The following PRDM1 variants were observed in gnomAD, a reference collection of about 807,000 sequenced individuals.
The protein encoded by PRDM1 is PR domain zinc finger protein 1.
A neutral mutation model predicts 62.8 loss-of-function variants in PRDM1; 13 were observed. The observed-to-expected ratio is 0.21, with a 90% CI of 0.13 to 0.33. The LOEUF (loss-of-function observed/expected upper bound fraction) is 0.33, where lower values mean the gene tolerates loss of function less well. PRDM1 is among the 10% of genes least tolerant of loss of function. PRDM1 has a pLI of 1.00. For synonymous variants in PRDM1, 396 were observed against 417.6 expected (o/e 0.95, Z 0.63); for missense variants, 895 against 1,058.8 (o/e 0.85, Z 2.15).
intron 1 of PRDM1, among the ~76,000 whole-genome samples, chr6:106,007,713 C>T (rs1288276768): frequency 3.3e-5 from 5 of 152,176 alleles, no homozygotes; most frequent in African/African-American, 9.7e-5. Flanking sequence ...TGCTGTCATT[C>T]GTCCCTTGAG....
At chr6:106,087,644 T>C (rs910615477) in intron 1 of PRDM1, 17 of 232,848 alleles carry the variant, frequency 7.3e-5, no homozygotes, top group Non-Finnish European at 1.3e-4. Flanking sequence ...GGCAGTTGTT[T>C]TGAAAGTTGT....
chr6:106,094,134 T>C (rs1562167426), intron 2 of PRDM1, among the ~76,000 whole-genome samples: 1 of 152,216 alleles, frequency 6.6e-6, no homozygotes, highest in Non-Finnish European at 1.5e-5. Context: ...CTGTGAACAA[T>C]CTGTGCATGG....
intron 1 of PRDM1, among the ~76,000 whole-genome samples, chr6:106,062,793 A>G (rs1388075466): frequency 2.0e-5 from 3 of 152,178 alleles, no homozygotes; most frequent in Non-Finnish European, 4.4e-5. Flanking sequence ...TTCAGAGAAT[A>G]GTGGTTCTCT....
intron 1 of PRDM1, among the ~76,000 whole-genome samples, chr6:106,059,177 CATTA>C (rs1352887848): frequency 2.0e-5 from 3 of 152,020 alleles, no homozygotes; most frequent in Non-Finnish European, 2.9e-5. Context: ...TAAACAAGCA[CATTA>C]ATTAATTCAA....
At chr6:106,038,516 A>G (rs1772952584) in intron 1 of PRDM1, among the ~76,000 whole-genome samples, 1 of 152,160 alleles carries the variant, frequency 6.6e-6, no homozygotes, top group African/African-American at 2.4e-5. Context: ...TGAAGAAGAA[A>G]AGGGATGCTG....
chr6:106,000,801 AT>A (rs1178047658), intron 1 of PRDM1, among the ~76,000 whole-genome samples: 1 of 152,202 alleles, frequency 6.6e-6, no homozygotes, highest in East Asian at 1.9e-4. Context: ...TAATTTATCT[AT>A]TTTATAATGT....
Position 106,105,320 on chromosome 6 carries a change from G to T in PRDM1, c.1160G>T (p.Gly387Val). Residue 387 changes from glycine (G) to valine (V), a missense_variant, in exon 5 of 7, where the codon GGC becomes GTC. Coordinates refer to ENST00000369096, the MANE Select transcript of PRDM1 (RefSeq NM_001198.4). ...GCGTCCTACGGCACGGAAGGTTTGGGCTCCTACCCTGGCTACGCACCCCTG... is the reference window on the plus strand; with the variant it reads ...GCGTCCTACGGCACGGAAGGTTTGGTCTCCTACCCTGGCTACGCACCCCTG... ...LNASYGTEGL[G>V]SYPGYAPLPH... 6.2e-7 allele frequency: 1 copy of T among 1,612,782 alleles called. No homozygotes were observed. Among genetic ancestry groups the T allele is most frequent in the Non-Finnish European group, 8.5e-7 (1 of 1,179,182 alleles).
intron 1 of PRDM1, 138 bp from the exon 2 acceptor site, chr6:106,088,063 T>C: frequency 1.6e-5 from 16 of 1,003,322 alleles, no homozygotes; most frequent in Non-Finnish European, 2.1e-5. Context: ...TACGGCTTCT[T>C]GGCTCTTTCT....
At chr6:106,095,937 AG>A (rs1343926596) in intron 3 of PRDM1, 1 of 562,946 alleles carries the variant, frequency 1.8e-6, no homozygotes, top group Admixed American at 3.1e-5. Flanking sequence ...TTAGTGATGG[AG>A]ATACGGGCTA....
rs1443735433 is a variant in PRDM1 at position 106,080,406 on chromosome 6, C to T, written c.-66-7795C>T. 2.6e-5 allele frequency among the ~76,000 whole-genome samples: 4 copies of T among 152,068 alleles called. No homozygotes were observed. In the South Asian group the frequency reaches 8.3e-4, roughly 32 times the overall value. On this transcript the variant is annotated intron_variant, in intron 1 of 6. Coordinates refer to the PRDM1 transcript ENST00000651185. ...TTTGGACTCAGCCTTCTGTTCCACGCCCCCCACCGCAGCCCCCAGCATCCT... is the reference window on the plus strand; with the variant it reads ...TTTGGACTCAGCCTTCTGTTCCACGTCCCCCACCGCAGCCCCCAGCATCCT...
intron 1 of PRDM1, among the ~76,000 whole-genome samples, chr6:106,022,744 C>G (rs1055491991): frequency 1.3e-5 from 2 of 152,010 alleles, no homozygotes; most frequent in Non-Finnish European, 2.9e-5. Flanking sequence ...TTTAAAGAGA[C>G]CAGGTCTCAC....
At chr6:106,100,840 G>A (rs931417068) in intron 4 of PRDM1, among the ~76,000 whole-genome samples, 4 of 152,204 alleles carry the variant, frequency 2.6e-5, no homozygotes, top group African/African-American at 9.6e-5. Context: ...TGAGCTTCAG[G>A]AAAAGAACTG....
intron 1 of PRDM1, among the ~76,000 whole-genome samples, chr6:106,058,559 C>A (rs1337870799): frequency 1.3e-5 from 2 of 152,230 alleles, no homozygotes; most frequent in East Asian, 1.9e-4. Flanking sequence ...TTCCCACTAG[C>A]CAGCATATTT....
intron 3 of PRDM1, chr6:106,098,077 C>A: frequency 2.5e-6 from 1 of 399,536 alleles, no homozygotes; most frequent in Non-Finnish European, 3.4e-6. Context: ...GAGCGAAATA[C>A]AGAAACTATC....
chr6:106,095,575 A>G (rs771366017), intron 2 of PRDM1, 40 bp from the exon 3 acceptor site: 2 of 1,601,456 alleles, frequency 1.2e-6, no homozygotes, highest in Non-Finnish European at 1.7e-6. Context: ...TTAACATTTT[A>G]TAGTCAAAGT....
intron 1 of PRDM1, among the ~76,000 whole-genome samples, chr6:106,031,841 A>G (rs1266730770): frequency 6.6e-6 from 1 of 152,148 alleles, no homozygotes; most frequent in Non-Finnish European, 1.5e-5. Context: ...TTTAAAGACA[A>G]GAAACAAAAA....
intron 1 of PRDM1, among the ~76,000 whole-genome samples, chr6:106,055,988 G>C (rs547426545): frequency 1.3e-5 from 2 of 152,174 alleles, no homozygotes; most frequent in African/African-American, 4.8e-5. Context: ...TGGGAGAAAG[G>C]CTCATTCTTA....
At chr6:106,089,426 T>C (rs1318925918) in intron 2 of PRDM1, among the ~76,000 whole-genome samples, 4 of 152,170 alleles carry the variant, frequency 2.6e-5, no homozygotes, top group Admixed American at 2.0e-4. Context: ...CTTACAGCCG[T>C]GTCAAATCAC....
intron 1 of PRDM1, among the ~76,000 whole-genome samples, chr6:106,037,458 TCTC>T (rs940287037): frequency 6.6e-6 from 1 of 152,134 alleles, no homozygotes; most frequent in Non-Finnish European, 1.5e-5. Context: ...TTTTCCCTCT[TCTC>T]CTTATAAGAT....
Sources: gnomAD v4.1 joint callset for allele counts (sites outside exome capture counted in the v4.1 genomes callset) on GRCh38, gnomAD v4.1.1 for gene constraint, MANE v1.5 for transcripts, NCBI Gene and HGNC (gene_info 2026-07-23, HGNC 2026-07-21) for gene names.